Variants in EVI5 observed in about 807,000 individuals in gnomAD.
EVI5 encodes the protein ecotropic viral integration site 5, also known as ecotropic viral integration site 5 protein homolog.
EVI5 carries 73 observed loss-of-function variants against 112.0 expected under a neutral mutation model. The observed-to-expected ratio is 0.65, with a 90% CI of 0.54 to 0.79. EVI5 has a LOEUF of 0.79. EVI5 is among the 30% of genes least tolerant of loss of function. The pLI, the probability that EVI5 is intolerant of heterozygous loss-of-function variation, is 0.00. For missense variants in EVI5, 900 were observed against 968.8 expected (o/e 0.93, Z 0.94); for synonymous variants, 305 against 319.9 (o/e 0.95, Z 0.50).
intron 7 of EVI5, among the ~76,000 whole-genome samples, chr1:92,694,681 C>T (rs11577426): frequency 0.2 from 30,337 of 152,106 alleles, 3,528 homozygotes; most frequent in Non-Finnish European, 0.26. Flanking sequence ...GAATGGATTT[C>T]GCACAAAAAT....
intron 9 of EVI5, among the ~76,000 whole-genome samples, chr1:92,684,197 G>A (rs182188796): frequency 1.5e-3 from 224 of 152,250 alleles, no homozygotes; most frequent in Admixed American, 2.7e-3. Context: ...GACTAACAGC[G>A]GATCTCTAGG....
intron 15 of EVI5, 120 bp downstream of exon 15, chr1:92,625,674 A>G (rs1346651049): frequency 2.1e-4 from 151 of 719,530 alleles, no homozygotes; most frequent in Non-Finnish European, 1.4e-5. Context: ...TTGACATTAA[A>G]CAGGGTCTCT....
At chr1:92,776,446 T>C (rs1684145321) in intron 1 of EVI5, among the ~76,000 whole-genome samples, 1 of 152,144 alleles carries the variant, frequency 6.6e-6, no homozygotes, top group Non-Finnish European at 1.5e-5. Context: ...ATAGAGACTT[T>C]AATGGGTGGT....
intron 19 of EVI5, among the ~76,000 whole-genome samples, chr1:92,535,807 T>C (rs949435857): frequency 5.3e-5 from 8 of 152,002 alleles, no homozygotes; most frequent in Non-Finnish European, 1.0e-4. Context: ...ATACCTAATG[T>C]AGATGACGGG....
chr1:92,529,997 G>T (rs992911223), intron 19 of EVI5, among the ~76,000 whole-genome samples: 2 of 152,028 alleles, frequency 1.3e-5, no homozygotes, highest in Non-Finnish European at 2.9e-5. Context: ...TGACATTAGA[G>T]CTAAATATTT....
chr1:92,636,692 T>G (rs1266010133), intron 13 of EVI5, among the ~76,000 whole-genome samples: 1 of 152,214 alleles, frequency 6.6e-6, no homozygotes, highest in Non-Finnish European at 1.5e-5. Context: ...AGGATAGCAA[T>G]TAGCCACATG....
chr1:92,721,518 T>A (rs1674752316), intron 2 of EVI5, among the ~76,000 whole-genome samples: 1 of 152,040 alleles, frequency 6.6e-6, no homozygotes, highest in African/African-American at 2.4e-5. Context: ...CACACCCTGG[T>A]GCCTGTCAAG....
At chr1:92,735,005 T>G (rs1341541303) in intron 2 of EVI5, among the ~76,000 whole-genome samples, 3 of 152,190 alleles carry the variant, frequency 2.0e-5, no homozygotes, top group Admixed American at 6.5e-5. Flanking sequence ...GTAGAAGAAC[T>G]GGTAATTTCA....
At chr1:92,696,192 A>G (rs1670294569) in intron 6 of EVI5, among the ~76,000 whole-genome samples, 1 of 152,176 alleles carries the variant, frequency 6.6e-6, no homozygotes, top group Non-Finnish European at 1.5e-5. Flanking sequence ...TCAGCCTCCT[A>G]AAGTGCTGGG....
chr1:92,611,935 T>G (rs979404223), intron 16 of EVI5, among the ~76,000 whole-genome samples: 2 of 150,666 alleles, frequency 1.3e-5, no homozygotes. Context: ...GAAAAAAAAA[T>G]TAAATAGAAA....
At chr1:92,755,322 A>T (rs1570783071) in intron 1 of EVI5, among the ~76,000 whole-genome samples, 1 of 152,190 alleles carries the variant, frequency 6.6e-6, no homozygotes, top group African/African-American at 2.4e-5. Flanking sequence ...GAAGCAGGAG[A>T]ATCACTTGAA....
intron 3 of EVI5, chr1:92,703,932 C>CAAAAAAAAAAAAAAAAA (rs57830016): frequency 1.2e-5 from 1 of 82,014 alleles, no homozygotes; most frequent in Non-Finnish European, 2.1e-5. Context: ...CTGTTGAAGG[C>CAAAAAAAAAAAAAAAAA]AAAAAAAAAA....
chr1:92,621,340 G>T (rs1200635414), intron 16 of EVI5, among the ~76,000 whole-genome samples: 9 of 152,200 alleles, frequency 5.9e-5, no homozygotes, highest in African/African-American at 1.9e-4. Flanking sequence ...ATGGAGTCTT[G>T]CTCCGTCACC....
At chr1:92,517,336 C>T (rs976314774) in intron 19 of EVI5, among the ~76,000 whole-genome samples, 1 of 152,154 alleles carries the variant, frequency 6.6e-6, no homozygotes, top group Non-Finnish European at 1.5e-5. Context: ...TATGCAAACA[C>T]TACATCATTT....
chr1:92,604,847 C>T (rs1030548781), intron 18 of EVI5, among the ~76,000 whole-genome samples: 7 of 152,128 alleles, frequency 4.6e-5, no homozygotes, highest in African/African-American at 1.7e-4. Context: ...TCATTATCAT[C>T]CTATGGGACC....
chr1:92,633,476 C>T (rs1164704095), intron 14 of EVI5, among the ~76,000 whole-genome samples: 5 of 152,248 alleles, frequency 3.3e-5, no homozygotes, highest in Non-Finnish European at 5.9e-5. Flanking sequence ...TCTGTTTTAT[C>T]AGAGACTAGG....
intron 14 of EVI5, among the ~76,000 whole-genome samples, chr1:92,628,052 G>A (rs1571970233): frequency 6.6e-6 from 1 of 151,954 alleles, no homozygotes; most frequent in East Asian, 1.9e-4. Context: ...CCTCCCAAAG[G>A]GCTGGGATTA....
upstream of EVI5, among the ~76,000 whole-genome samples, chr1:92,785,867 G>T (rs963369503): frequency 2.6e-4 from 40 of 152,138 alleles, no homozygotes; most frequent in Non-Finnish European, 4.3e-4. Flanking sequence ...ATTGCCTGAG[G>T]TCAGGAGTTG....
chr1:92,758,339 C>T (rs1314192181), intron 1 of EVI5, among the ~76,000 whole-genome samples: 5 of 152,012 alleles, frequency 3.3e-5, no homozygotes, highest in Non-Finnish European at 7.4e-5. Context: ...AAGGCCAAAG[C>T]AGGTGGATTG....
Sources: allele counts gnomAD v4.1 joint callset (sites outside exome capture counted in the v4.1 genomes callset), GRCh38; gene constraint gnomAD v4.1.1; transcripts MANE v1.5; gene names NCBI Gene and HGNC (gene_info 2026-07-23, HGNC 2026-07-21).